HPSE2: variants seen among roughly 807,000 people sequenced by gnomAD.
HPSE2 encodes the protein inactive heparanase-2.
Under a neutral mutation model 60.5 loss-of-function variants are expected in HPSE2, and 38 were observed. The ratio of observed to expected loss-of-function variants is 0.63; its 90% CI spans 0.48 to 0.82. The LOEUF is 0.82. Among genes scored for constraint, HPSE2 ranks in the 40% least tolerant of loss-of-function variants. The pLI is 0.00. For missense variants in HPSE2, 713 were observed against 740.4 expected (o/e 0.96, Z 0.43); for synonymous variants, 295 against 293.2 (o/e 1.01, Z -0.06).
chr10:98,574,799 CTG>C (rs1944598351), intron 9 of HPSE2, among the ~76,000 whole-genome samples: 1 of 152,112 alleles, frequency 6.6e-6, no homozygotes, highest in African/African-American at 2.4e-5. Flanking sequence ...GTGAGAGACA[CTG>C]TTAAGCTCTA....
intron 4 of HPSE2, among the ~76,000 whole-genome samples, chr10:98,738,647 A>C (rs558537960): frequency 6.6e-6 from 1 of 152,272 alleles, no homozygotes; most frequent in South Asian, 2.1e-4. Flanking sequence ...AACCCCCATC[A>C]AGAAGTGGGT....
At position 99,227,893 on chromosome 10, in the gene HPSE2, G is replaced by A. The variant is rs12765397; in HGVS notation, c.448+4455C>T. ...TATGTGTGTGTGTGTGTGTGTGTGT[G>A]TATATACATATATATATATATACAT... On this transcript the variant is annotated intron_variant, in intron 2 of 11. Transcript: ENST00000370552. 9.8e-3 allele frequency among the ~76,000 whole-genome samples: 1,162 copies of A among 118,468 alleles called. 5 individuals carry two copies. The highest frequency in any genetic ancestry group is 0.014 in the Non-Finnish European group (774 of 55,118). 77.7% of individuals were successfully genotyped at this position (118,468 alleles called of 152,430 possible).
intron 3 of HPSE2, among the ~76,000 whole-genome samples, chr10:98,939,702 G>A (rs1401436475): frequency 7.0e-6 from 1 of 143,380 alleles, no homozygotes; most frequent in Non-Finnish European, 1.5e-5. Context: ...GGATACCCAG[G>A]AACTGAACTC....
intron 2 of HPSE2, among the ~76,000 whole-genome samples, chr10:99,145,790 T>C (rs1370376824): frequency 2.0e-5 from 3 of 152,204 alleles, no homozygotes; most frequent in African/African-American, 7.2e-5. Context: ...GGGCATATGG[T>C]GAAAAGGGTG....
intron 9 of HPSE2, among the ~76,000 whole-genome samples, chr10:98,502,358 A>G (rs935390712): frequency 6.6e-6 from 1 of 152,216 alleles, no homozygotes; most frequent in African/African-American, 2.4e-5. Flanking sequence ...AGGCATATAG[A>G]CCAATGGAAC....
intron 3 of HPSE2, among the ~76,000 whole-genome samples, chr10:99,046,358 C>T (rs534665415): frequency 1.3e-5 from 2 of 152,158 alleles, no homozygotes; most frequent in South Asian, 4.2e-4. Context: ...ATATAACAAA[C>T]CCTCAGCCAA....
intron 3 of HPSE2, among the ~76,000 whole-genome samples, chr10:98,842,345 C>T (rs1951934157): frequency 6.6e-6 from 1 of 152,050 alleles, no homozygotes; most frequent in African/African-American, 2.4e-5. Flanking sequence ...AATGCAGGCT[C>T]CAAGCTTGTC....
intron 6 of HPSE2, among the ~76,000 whole-genome samples, chr10:98,659,868 T>C (rs934859209): frequency 6.6e-6 from 1 of 152,224 alleles, no homozygotes; most frequent in African/African-American, 2.4e-5. Context: ...TGGGTTCACT[T>C]AGAGAAGAGG....
At chr10:98,865,121 C>T (rs2134798440) in intron 3 of HPSE2, among the ~76,000 whole-genome samples, 1 of 152,170 alleles carries the variant, frequency 6.6e-6, no homozygotes. Flanking sequence ...AATAATCATA[C>T]TCCTAGTTAG....
At position 98,721,736 on chromosome 10, in the gene HPSE2, T is replaced by A. The variant is rs758852189; in HGVS notation, c.877A>T (p.Ile293Phe). 5.0e-6 allele frequency: 8 copies of A among 1,613,708 alleles called. No individual in the cohort carries two copies. Among genetic ancestry groups the A allele is most frequent in the Non-Finnish European group, 6.8e-6 (8 of 1,179,852 alleles). ...AAGCTGGCTCTGGAATAAATCCGGA[T>A]GGGCTGCAACAGGCTCTTCAGCTGG... Reference protein sequence around the residue: ...YIQLKSLLQPIRIYSRASLYG... With the variant: ...YIQLKSLLQPFRIYSRASLYG... The change falls in exon 5 of 12, where the codon ATC becomes TTC. Residue 293 changes from isoleucine to phenylalanine, a missense_variant. By Grantham distance (21) the Ile-to-Phe change is conservative (BLOSUM62 0). Coordinates refer to ENST00000370552, the MANE Select transcript of HPSE2 (RefSeq NM_021828.5).
intron 3 of HPSE2, among the ~76,000 whole-genome samples, chr10:98,952,063 G>T (rs952592631): frequency 6.6e-6 from 1 of 152,174 alleles, no homozygotes; most frequent in Non-Finnish European, 1.5e-5. Context: ...TGGCAGATTT[G>T]AATTGCTGTT....
At chr10:99,101,459 C>T (rs564097471) in intron 3 of HPSE2, among the ~76,000 whole-genome samples, 1 of 152,288 alleles carries the variant, frequency 6.6e-6, no homozygotes, top group African/African-American at 2.4e-5. Flanking sequence ...TATATATGCA[C>T]CCAATACAGG....
At chr10:98,939,280 A>G (rs1376174497) in intron 3 of HPSE2, among the ~76,000 whole-genome samples, 1 of 144,054 alleles carries the variant, frequency 6.9e-6, no homozygotes, top group Non-Finnish European at 1.5e-5. Flanking sequence ...ATTAAAAGAC[A>G]CAGACTGGCA....
At chr10:99,077,098 T>C (rs1385170114) in intron 3 of HPSE2, among the ~76,000 whole-genome samples, 3 of 152,230 alleles carry the variant, frequency 2.0e-5, no homozygotes, top group East Asian at 3.8e-4. Context: ...GGTTTTCTTG[T>C]ATATGACAAA....
intron 3 of HPSE2, among the ~76,000 whole-genome samples, chr10:99,130,961 G>A (rs1845360467): frequency 6.6e-6 from 1 of 152,050 alleles, no homozygotes; most frequent in Admixed American, 6.6e-5. Flanking sequence ...AGTCAATTCA[G>A]GTGGAAACAA....
At position 98,941,727 on chromosome 10, in the gene HPSE2, T is replaced by G. The variant is rs1186671591; in HGVS notation, c.611-197671A>C. Among the ~76,000 whole-genome samples the G allele has an allele frequency of 4.7e-4, 63 of 135,126 alleles. 7 individuals carry two copies. Among genetic ancestry groups the G allele is most frequent in the African/African-American group, 1.8e-3 (58 of 31,370 alleles). 88.6% of individuals were successfully genotyped at this position (135,126 alleles called of 152,430 possible). On this transcript the variant is annotated intron_variant, in intron 3 of 11. Transcript: ENST00000370552. ...CTTTCTTCACAGAATTGGAAAAAAC[T>G]ACTTTAAAGTTCATATGGAACCAAA... is the stretch of plus-strand genomic sequence containing the variant.
chr10:99,257,087 TG>T, the HPSE2 span, among the ~76,000 whole-genome samples: 4 of 152,240 alleles, frequency 2.6e-5, no homozygotes, highest in African/African-American at 9.6e-5. Flanking sequence ...AATACCCTTG[TG>T]ATTTCCTACG....
intron 9 of HPSE2, among the ~76,000 whole-genome samples, chr10:98,565,337 C>G (rs758709582): frequency 4.0e-5 from 6 of 150,324 alleles, no homozygotes; most frequent in Non-Finnish European, 7.3e-5. Context: ...TCCCCCACCC[C>G]CTGACAGGGC....
intron 3 of HPSE2, among the ~76,000 whole-genome samples, chr10:98,750,449 G>A (rs545626234): frequency 6.6e-6 from 1 of 152,274 alleles, no homozygotes; most frequent in South Asian, 2.1e-4. Flanking sequence ...CATCACTCTG[G>A]CTGCTGAGCT....
Sources: allele counts gnomAD v4.1 joint callset (sites outside exome capture counted in the v4.1 genomes callset), GRCh38; gene constraint gnomAD v4.1.1; transcripts MANE v1.5; gene names NCBI Gene and HGNC (gene_info 2026-07-23, HGNC 2026-07-21).